Variants in IL17RD observed in about 807,000 individuals in gnomAD.
The protein encoded by IL17RD is interleukin-17 receptor D.
A neutral mutation model predicts 80.5 loss-of-function variants in IL17RD; 52 were observed. The ratio of observed to expected loss-of-function variants is 0.65; its 90% CI spans 0.52 to 0.81. IL17RD has a LOEUF of 0.81. IL17RD is among the 40% of genes least tolerant of loss of function. The probability of loss-of-function intolerance (pLI) is 0.00; values close to 1 mark genes in which losing one functional copy is unlikely to be tolerated. For synonymous variants in IL17RD, 416 were observed against 391.8 expected (o/e 1.06, Z -0.73); for missense variants, 1,024 against 955.1 (o/e 1.07, Z -0.95).
intron 1 of IL17RD, among the ~76,000 whole-genome samples, chr3:57,156,727 C>A (rs1487813975): frequency 6.6e-6 from 1 of 152,160 alleles, no homozygotes; most frequent in African/African-American, 2.4e-5. Context: ...CATACACAGG[C>A]AAACTTCAAG....
In IL17RD at chr3:57,103,159, G is replaced by C; in HGVS notation, c.814-14C>G. 6.3e-7 allele frequency: 1 copy of C among 1,594,228 alleles called. No homozygotes were observed. The highest frequency in any genetic ancestry group is 8.6e-7 in the Non-Finnish European group (1 of 1,169,160). On this transcript the variant is annotated splice_polypyrimidine_tract_variant and intron_variant, in intron 8 of 12. Transcript: ENST00000296318. ...GTCATCCACCAGCTGCAAAACAGAG[G>C]ATGCTGCATTATTTTTTTTTAAAGT... is the stretch of plus-strand genomic sequence containing the variant.
intron 12 of IL17RD, 157 bp downstream of exon 12, chr3:57,097,439 T>A: frequency 1.6e-6 from 1 of 638,288 alleles, no homozygotes; most frequent in South Asian, 1.9e-5. Context: ...AGTACTCCCA[T>A]CACCTGGTAT....
intron 3 of IL17RD, among the ~76,000 whole-genome samples, chr3:57,113,845 C>CT (rs1305840785): frequency 4.0e-5 from 6 of 151,816 alleles, no homozygotes; most frequent in South Asian, 2.1e-4. Context: ...GCTTGGCCTC[C>CT]TTTTTTTTGT....
intron 3 of IL17RD, 52 bp downstream of exon 3, chr3:57,114,640 T>G: frequency 6.5e-7 from 1 of 1,531,182 alleles, no homozygotes; most frequent in Admixed American, 2.1e-5. Context: ...ACCTTTGCAC[T>G]GGGCCCTATC....
intron 1 of IL17RD, among the ~76,000 whole-genome samples, chr3:57,135,146 A>C (rs1043092000): frequency 2.1e-5 from 2 of 93,170 alleles, no homozygotes; most frequent in Non-Finnish European, 4.0e-5. Context: ...AAAAACACAC[A>C]AAAAAAACAA....
At chr3:57,170,167 G>C (rs983619649), upstream of IL17RD, 2 of 152,440 alleles carry the variant, frequency 1.3e-5, no homozygotes, top group South Asian at 2.1e-4. Context: ...AACCTGGGGC[G>C]GCGGACCCAA....
intron 10 of IL17RD, 33 bp downstream of exon 10, chr3:57,102,446 T>C (rs1036293308): frequency 1.6e-6 from 2 of 1,262,024 alleles, no homozygotes; most frequent in Non-Finnish European, 2.2e-6. Flanking sequence ...GCCTGCCCCT[T>C]GTTGTGGGGA....
At chr3:57,112,131 C>T (rs1707114469) in intron 3 of IL17RD, among the ~76,000 whole-genome samples, 1 of 152,162 alleles carries the variant, frequency 6.6e-6, no homozygotes, top group Admixed American at 6.5e-5. Context: ...CATTACAGTA[C>T]TATTAACACC....
In IL17RD at chr3:57,101,358, T is replaced by C. The variant is rs758681097; in HGVS notation, c.985A>G (p.Ile329Val). 1.3e-5 allele frequency: 20 copies of C among 1,586,926 alleles called. No individual in the cohort carries two copies. The East Asian group carries it at 4.0e-4, about 32-fold the overall frequency. ...VMCRKKQQENIYSHLDEESSE... is the reference protein window; with the variant it reads ...VMCRKKQQENVYSHLDEESSE... ...CTCTCTTCATCTAAATGTGAATATA[T>C]ATTTTCTAAATTGGAAAAGAAGATA... Residue 329 changes from isoleucine to valine, a missense_variant, in exon 11 of 13, where the codon ATA (isoleucine) becomes GTA (valine). Transcript: ENST00000296318.
chr3:57,116,006 A>G (rs1468452947), intron 2 of IL17RD, among the ~76,000 whole-genome samples: 1 of 152,206 alleles, frequency 6.6e-6, no homozygotes, highest in Non-Finnish European at 1.5e-5. Flanking sequence ...AAAAATATAA[A>G]AGGCATTCAT....
intron 1 of IL17RD, among the ~76,000 whole-genome samples, chr3:57,141,924 G>A (rs1707836258): frequency 6.6e-6 from 1 of 152,156 alleles, no homozygotes; most frequent in African/African-American, 2.4e-5. Context: ...TATCTGCACG[G>A]TTTTCACCAG....
chr3:57,124,981 C>G (rs1379081146), intron 1 of IL17RD, among the ~76,000 whole-genome samples: 1 of 152,140 alleles, frequency 6.6e-6, no homozygotes, highest in African/African-American at 2.4e-5. Flanking sequence ...TGTGGGCTGA[C>G]CTGGGGCTGA....
chr3:57,104,464 A>G, intron 7 of IL17RD, 57 bp from the exon 8 acceptor site: 1 of 1,141,944 alleles, frequency 8.8e-7, no homozygotes, highest in South Asian at 1.3e-5. Context: ...GGTCTTCAGG[A>G]CACCTCTTCT....
intron 1 of IL17RD, among the ~76,000 whole-genome samples, chr3:57,137,345 A>T (rs1192964282): frequency 1.3e-5 from 2 of 152,272 alleles, no homozygotes; most frequent in Non-Finnish European, 2.9e-5. Flanking sequence ...GAGACAGGCA[A>T]GATCCAAATA....
intron 5 of IL17RD, among the ~76,000 whole-genome samples, chr3:57,107,989 TA>T (rs1469402923): frequency 4.5e-4 from 68 of 152,254 alleles, no homozygotes; most frequent in Middle Eastern, 3.4e-3. Context: ...ACCCTCCTGA[TA>T]ACAGGTAAAA....
chr3:57,098,821 G>A (rs1387316210), intron 11 of IL17RD, among the ~76,000 whole-genome samples: 2 of 152,258 alleles, frequency 1.3e-5, no homozygotes, highest in African/African-American at 2.4e-5. Context: ...GGACAGAAGC[G>A]CAGTGCTTTT....
intron 1 of IL17RD, among the ~76,000 whole-genome samples, chr3:57,139,148 A>G (rs1175829918): frequency 1.3e-5 from 2 of 152,236 alleles, no homozygotes; most frequent in South Asian, 4.2e-4. Flanking sequence ...AGGCTAATTC[A>G]TAAGAGGTAT....
chr3:57,158,736 A>G (rs553165272), intron 1 of IL17RD, among the ~76,000 whole-genome samples: 1 of 152,374 alleles, frequency 6.6e-6, no homozygotes, highest in Admixed American at 6.5e-5. Flanking sequence ...GCCACTTCAC[A>G]AAAACATGGT....
chr3:57,110,386 C>G, intron 3 of IL17RD, 75 bp from the exon 4 acceptor site: 2 of 1,459,566 alleles, frequency 1.4e-6, no homozygotes, highest in Non-Finnish European at 1.9e-6. Flanking sequence ...TCCAAGATTA[C>G]CATCTTCTCT....
Sources: allele counts gnomAD v4.1 joint callset (sites outside exome capture counted in the v4.1 genomes callset), GRCh38; gene constraint gnomAD v4.1.1; transcripts MANE v1.5; gene names NCBI Gene and HGNC (gene_info 2026-07-23, HGNC 2026-07-21).